Variants in UGGT2 observed in about 807,000 individuals in gnomAD.
UGGT2 encodes UDP-glucose:glycoprotein glucosyltransferase 2.
A neutral mutation model predicts 192.1 loss-of-function variants in UGGT2; 180 were observed. The ratio of observed to expected loss-of-function variants is 0.94; its 90% CI spans 0.83 to 1.06. The LOEUF (loss-of-function observed/expected upper bound fraction) is 1.06. Ranked by LOEUF, UGGT2 falls within the 50% of genes least tolerant of loss-of-function variation. UGGT2 has a pLI of 0.00. For missense variants in UGGT2, 1,849 were observed against 1,795.7 expected, an observed-to-expected ratio of 1.03 and a Z score of -0.54; for synonymous variants, 580 against 591.0, an observed-to-expected ratio of 0.98 and a Z score of 0.27.
intron 14 of UGGT2, among the ~76,000 whole-genome samples, chr13:95,947,594 G>A (rs891241441): frequency 6.6e-6 from 1 of 151,950 alleles, no homozygotes; most frequent in Non-Finnish European, 1.5e-5. Flanking sequence ...GGGACTATAG[G>A]TGCGCACCAC....
At chr13:96,013,532 A>T in intron 4 of UGGT2, 51 bp from the exon 5 acceptor site, 1 of 1,296,906 alleles carries the variant, frequency 7.7e-7, no homozygotes, top group Non-Finnish European at 1.0e-6. Context: ...AGTTAATGGC[A>T]TATCAATTCT....
intron 17 of UGGT2, among the ~76,000 whole-genome samples, chr13:95,934,302 T>C (rs928838436): frequency 6.6e-6 from 1 of 152,170 alleles, no homozygotes; most frequent in Non-Finnish European, 1.5e-5. Context: ...GATCTTGGAG[T>C]ATGCTCTGTG....
At chr13:95,864,378 A>C (rs1890446186) in intron 30 of UGGT2, among the ~76,000 whole-genome samples, 1 of 152,160 alleles carries the variant, frequency 6.6e-6, no homozygotes, top group African/African-American at 2.4e-5. Flanking sequence ...AATCAGTAAA[A>C]AGTTTTCATT....
intron 20 of UGGT2, among the ~76,000 whole-genome samples, chr13:95,915,523 AT>A (rs1162710006): frequency 6.6e-6 from 1 of 152,270 alleles, no homozygotes; most frequent in Non-Finnish European, 1.5e-5. Flanking sequence ...TAAATGAATA[AT>A]AAATAGATTA....
At chr13:95,809,748 T>G (rs1884489015) in intron 38 of UGGT2, 1 of 155,172 alleles carries the variant, frequency 6.4e-6, no homozygotes. Context: ...CTTCTCCTAT[T>G]ATCTTGACTT....
intron 5 of UGGT2, among the ~76,000 whole-genome samples, chr13:96,006,671 G>C (rs975858347): frequency 6.7e-6 from 1 of 149,270 alleles, no homozygotes; most frequent in Non-Finnish European, 1.5e-5. Context: ...TCCAAGGCAG[G>C]TCAATAGAAA....
intron 12 of UGGT2, among the ~76,000 whole-genome samples, chr13:95,957,178 T>C (rs1351314131): frequency 6.6e-6 from 1 of 152,132 alleles, no homozygotes; most frequent in African/African-American, 2.4e-5. Flanking sequence ...AAGAAGGGTA[T>C]GGGGATTTAA....
chr13:96,041,398 G>A (rs1295018169), intron 1 of UGGT2, among the ~76,000 whole-genome samples: 5 of 152,256 alleles, frequency 3.3e-5, no homozygotes, highest in South Asian at 2.1e-4. Context: ...AGGGGTCCTC[G>A]GGTAGGGCTG....
chr13:95,870,525 T>C (rs919634195), intron 29 of UGGT2, among the ~76,000 whole-genome samples: 6 of 152,314 alleles, frequency 3.9e-5, no homozygotes, highest in Admixed American at 3.3e-4. Context: ...CAAAGGCCAG[T>C]TGATGTGTTG....
At chr13:95,813,479 A>T (rs1167017394) in intron 38 of UGGT2, among the ~76,000 whole-genome samples, 2 of 152,188 alleles carry the variant, frequency 1.3e-5, no homozygotes, top group African/African-American at 4.8e-5. Flanking sequence ...AAAGTATTTA[A>T]TATGTGTCCT....
At chr13:95,933,974 G>A (rs556911088) in intron 17 of UGGT2, among the ~76,000 whole-genome samples, 320 of 152,252 alleles carry the variant, frequency 2.1e-3, no homozygotes, top group African/African-American at 7.1e-3. Context: ...GTGAGCCACC[G>A]CGCCTGGTGA....
chr13:95,999,158 T>C, intron 6 of UGGT2, 53 bp downstream of exon 6: 10 of 1,478,770 alleles, frequency 6.8e-6, no homozygotes, highest in South Asian at 2.3e-5. Context: ...AACTAAAGTA[T>C]GTAAAAGCCT....
intron 33 of UGGT2, among the ~76,000 whole-genome samples, chr13:95,858,899 T>C (rs1483217231): frequency 6.6e-6 from 1 of 152,190 alleles, no homozygotes; most frequent in East Asian, 1.9e-4. Flanking sequence ...AAAAGCATGC[T>C]TGGCTAGTTT....
At chr13:95,888,601 G>A (rs2047713982) in intron 25 of UGGT2, among the ~76,000 whole-genome samples, 2 of 152,050 alleles carry the variant, frequency 1.3e-5, no homozygotes, top group Non-Finnish European at 2.9e-5. Flanking sequence ...TAAAGACTAA[G>A]GATTTAAGAG....
At chr13:95,859,447 T>G in intron 33 of UGGT2, 144 bp downstream of exon 33, 1 of 643,152 alleles carries the variant, frequency 1.6e-6, no homozygotes, top group Admixed American at 3.4e-5. Flanking sequence ...TTGTACAGAA[T>G]TTTTCTTAAG....
At chr13:96,042,881 C>G (rs539487227) in intron 1 of UGGT2, among the ~76,000 whole-genome samples, 1 of 151,924 alleles carries the variant, frequency 6.6e-6, no homozygotes, top group Non-Finnish European at 1.5e-5. Context: ...ATGACCAAAC[C>G]TAAGAATAAT....
At chr13:96,008,857 T>C (rs980213699) in intron 5 of UGGT2, among the ~76,000 whole-genome samples, 2 of 152,216 alleles carry the variant, frequency 1.3e-5, no homozygotes, top group African/African-American at 4.8e-5. Flanking sequence ...AATGACATTC[T>C]TCACAGAATT....
intron 29 of UGGT2, among the ~76,000 whole-genome samples, chr13:95,875,681 T>C (rs143392814): frequency 1.3e-5 from 2 of 152,334 alleles, no homozygotes; most frequent in Non-Finnish European, 2.9e-5. Flanking sequence ...CTTGAGGTAC[T>C]ATATCATCTC....
chr13:95,876,272 C>A (rs1891670583), intron 29 of UGGT2, among the ~76,000 whole-genome samples: 1 of 152,074 alleles, frequency 6.6e-6, no homozygotes. Flanking sequence ...TAATGTATAC[C>A]ATATTGTCAT....
Sources: gnomAD v4.1 joint callset for allele counts (sites outside exome capture counted in the v4.1 genomes callset) on GRCh38, gnomAD v4.1.1 for gene constraint, MANE v1.5 for transcripts, NCBI Gene and HGNC (gene_info 2026-07-23, HGNC 2026-07-21) for gene names.